The following SHC3 variants were observed in gnomAD, a reference collection of about 807,000 sequenced individuals.
The protein encoded by SHC3 is SHC adaptor protein 3.
In SHC3, 15 loss-of-function variants were observed where a neutral mutation model predicts 60.4. The observed-to-expected ratio is 0.25, with a 90% CI of 0.17 to 0.38. SHC3 has a LOEUF of 0.38. SHC3 is among the 10% of genes least tolerant of loss of function. The pLI is 1.00. For missense variants in SHC3, 677 were observed against 786.1 expected, an observed-to-expected ratio of 0.86 and a Z score of 1.66; for synonymous variants, 294 against 325.9, an observed-to-expected ratio of 0.90 and a Z score of 1.05.
At chr9:89,078,012 A>G (rs1825387468) in intron 2 of SHC3, 109 bp from the exon 3 acceptor site, 4 of 1,307,196 alleles carry the variant, frequency 3.1e-6, no homozygotes, top group Non-Finnish European at 4.4e-6. Flanking sequence ...TTATTTCAGT[A>G]TAGAAAACAG....
At chr9:89,155,938 CA>C (rs1162955987) in intron 1 of SHC3, among the ~76,000 whole-genome samples, 4 of 152,156 alleles carry the variant, frequency 2.6e-5, no homozygotes, top group African/African-American at 9.7e-5. Context: ...TACTGTCAAC[CA>C]GGGTATTTTT....
intron 9 of SHC3, among the ~76,000 whole-genome samples, chr9:89,045,495 G>A (rs185466165): frequency 1.6e-3 from 248 of 152,102 alleles, no homozygotes; most frequent in African/African-American, 5.6e-3. Flanking sequence ...GGCTGGTCTC[G>A]AACTTCTGAC....
rs1449686767 is a variant in SHC3 at position 89,011,279 on chromosome 9, T to A, written c.*2168A>T. 6.6e-6 allele frequency: 1 copy of A among 152,192 alleles called. No individual in the cohort carries two copies. Among genetic ancestry groups the A allele is most frequent in the Non-Finnish European group, 1.5e-5 (1 of 68,030 alleles). 9.4% of individuals were successfully genotyped at this position (152,192 alleles called of 1,614,324 possible). ...TAGACACTGACTTCACAGCAAGAGC[T>A]ACTAAAGCTGCAGGTTACCATTCAA... On this transcript the variant is annotated 3_prime_UTR_variant, in exon 12 of 12. Coordinates refer to ENST00000375835, the MANE Select transcript of SHC3 (RefSeq NM_016848.6).
At chr9:89,128,696 T>C (rs985089963) in intron 1 of SHC3, among the ~76,000 whole-genome samples, 4 of 152,088 alleles carry the variant, frequency 2.6e-5, no homozygotes, top group African/African-American at 7.2e-5. Context: ...TCTTGACTGT[T>C]AGAAGGAAAA....
chr9:89,124,799 C>T (rs891625637), intron 1 of SHC3, among the ~76,000 whole-genome samples: 5 of 151,650 alleles, frequency 3.3e-5, no homozygotes, highest in Non-Finnish European at 7.4e-5. Context: ...CACATGTCTA[C>T]CTATGTGACA....
At chr9:89,027,383 G>C (rs956120840) in intron 11 of SHC3, among the ~76,000 whole-genome samples, 1 of 145,440 alleles carries the variant, frequency 6.9e-6, no homozygotes, top group African/African-American at 2.6e-5. Context: ...GCAGTGGCAC[G>C]ATCTCGGCTC....
intron 4 of SHC3, among the ~76,000 whole-genome samples, chr9:89,072,330 G>C (rs145578970): frequency 6.6e-6 from 1 of 152,110 alleles, no homozygotes; most frequent in African/African-American, 2.4e-5. Context: ...GAAGGAATCT[G>C]TCTCACCCAC....
intron 11 of SHC3, among the ~76,000 whole-genome samples, chr9:89,027,442 G>T (rs532580413): frequency 6.6e-6 from 1 of 150,670 alleles, no homozygotes; most frequent in African/African-American, 2.5e-5. Context: ...TCAGCCTCCC[G>T]AGTAGCTGGG....
At chr9:89,112,408 C>G (rs1825962016) in intron 2 of SHC3, 148 bp downstream of exon 2, 1 of 720,024 alleles carries the variant, frequency 1.4e-6, no homozygotes, top group East Asian at 3.0e-5. Context: ...AAGCACATGT[C>G]TTGAGATGAG....
At chr9:89,119,214 T>C (rs1362406438) in intron 1 of SHC3, among the ~76,000 whole-genome samples, 2 of 151,816 alleles carry the variant, frequency 1.3e-5, no homozygotes, top group Non-Finnish European at 2.9e-5. Flanking sequence ...ACCTTCAAAC[T>C]ACTATAGAAC....
At chr9:89,098,702 T>C (rs1228329529) in intron 2 of SHC3, among the ~76,000 whole-genome samples, 1 of 152,060 alleles carries the variant, frequency 6.6e-6, no homozygotes, top group Non-Finnish European at 1.5e-5. Context: ...TCCCAGCTAC[T>C]TGGGAGGCTG....
intron 2 of SHC3, among the ~76,000 whole-genome samples, chr9:89,083,527 C>G (rs1192828937): frequency 6.6e-6 from 1 of 152,124 alleles, no homozygotes; most frequent in East Asian, 1.9e-4. Context: ...TTTTACTAGA[C>G]CCTGATATGA....
intron 1 of SHC3, among the ~76,000 whole-genome samples, chr9:89,176,629 A>C (rs922816649): frequency 2.0e-5 from 3 of 152,220 alleles, no homozygotes; most frequent in African/African-American, 7.2e-5. Context: ...TAATTTAAAT[A>C]AGCAAAACAA....
chr9:89,071,528 A>G (rs892137002), intron 4 of SHC3, among the ~76,000 whole-genome samples: 3 of 152,178 alleles, frequency 2.0e-5, no homozygotes, highest in Admixed American at 2.0e-4. Flanking sequence ...GAGGAGCCAG[A>G]ACCCAGAGGG....
chr9:89,124,193 G>A (rs1826130886), intron 1 of SHC3, among the ~76,000 whole-genome samples: 1 of 152,270 alleles, frequency 6.6e-6, no homozygotes, highest in Non-Finnish European at 1.5e-5. Flanking sequence ...GGAAACAACA[G>A]ATGCTGGCAA....
chr9:89,146,134 G>C (rs185986916), intron 1 of SHC3, among the ~76,000 whole-genome samples: 9 of 152,066 alleles, frequency 5.9e-5, no homozygotes, highest in African/African-American at 1.7e-4. Flanking sequence ...GAGGCGAGCG[G>C]ATCACAAGTT....
At chr9:89,059,654 GGTGGTGGAGGAC>G (rs1430277451) in intron 6 of SHC3, among the ~76,000 whole-genome samples, 3 of 143,178 alleles carry the variant, frequency 2.1e-5, no homozygotes, top group African/African-American at 5.2e-5. Context: ...GATGGAGGAT[GGTGGTGGAGGAC>G]GTGGTGGAGG....
intron 4 of SHC3, among the ~76,000 whole-genome samples, chr9:89,074,433 A>C (rs572832779): frequency 6.6e-6 from 1 of 152,284 alleles, no homozygotes; most frequent in East Asian, 1.9e-4. Flanking sequence ...CCTTGTTGGT[A>C]GCTAAAATAG....
chr9:89,038,196 C>G lies in SHC3; in HGVS notation c.1453G>C (p.Ala485Pro). ...TCCTCCAGCATCTTGGCATCTGGGG[C>G]TCTAGGTGACACAGGGCTGATGCAC... is the stretch of plus-strand genomic sequence containing the variant. ...VECISPVSPR[A>P]PDAKMLEELQ... The change falls in exon 11 of 12, where the codon GCC becomes CCC. Residue 485 changes from alanine to proline, a missense_variant. By Grantham distance (27) the Ala-to-Pro change is conservative. Coordinates refer to ENST00000375835, the MANE Select transcript of SHC3 (RefSeq NM_016848.6). 1 of 1,614,092 alleles carries G rather than the reference C, an allele frequency of 6.2e-7. No individual in the cohort carries two copies.
Sources: gnomAD v4.1 joint callset for allele counts (sites outside exome capture counted in the v4.1 genomes callset) on GRCh38, gnomAD v4.1.1 for gene constraint, MANE v1.5 for transcripts, NCBI Gene and HGNC (gene_info 2026-07-23, HGNC 2026-07-21) for gene names.